The following DYNC1I1 variants were observed in gnomAD, a reference collection of about 807,000 sequenced individuals.
The protein encoded by DYNC1I1 is dynein cytoplasmic 1 intermediate chain 1, also known as cytoplasmic dynein 1 intermediate chain 1.
In DYNC1I1, 43 loss-of-function variants were observed where a neutral mutation model predicts 86.6. The ratio of observed to expected loss-of-function variants is 0.50; its 90% CI spans 0.39 to 0.64. DYNC1I1 has a LOEUF of 0.64. Ranked by LOEUF, DYNC1I1 falls within the 30% of genes least tolerant of loss-of-function variation. DYNC1I1 has a pLI of 0.00. For synonymous variants in DYNC1I1, 262 were observed against 283.7 expected (o/e 0.92, Z 0.77); for missense variants, 604 against 788.8 (o/e 0.77, Z 2.81).
intron 10 of DYNC1I1, among the ~76,000 whole-genome samples, chr7:96,024,134 A>T (rs1302846763): frequency 6.6e-6 from 1 of 152,224 alleles, no homozygotes; most frequent in Non-Finnish European, 1.5e-5. Context: ...AATGAAATCA[A>T]TAGCCTTGTG....
intron 16 of DYNC1I1, among the ~76,000 whole-genome samples, chr7:96,093,336 C>T (rs936810066): frequency 7.9e-5 from 12 of 152,166 alleles, no homozygotes; most frequent in Admixed American, 5.9e-4. Flanking sequence ...AGTGCCTGAC[C>T]GTTGCCAGCA....
At chr7:95,917,180 C>A (rs895643122) in intron 6 of DYNC1I1, among the ~76,000 whole-genome samples, 3 of 152,076 alleles carry the variant, frequency 2.0e-5, no homozygotes, top group African/African-American at 7.2e-5. Flanking sequence ...GGTGCAATGA[C>A]GAGAAAATAT....
At chr7:96,039,199 T>A (rs1351123343) in intron 13 of DYNC1I1, 78 bp from the exon 14 acceptor site, 1 of 1,495,464 alleles carries the variant, frequency 6.7e-7, no homozygotes, top group African/African-American at 1.4e-5. Flanking sequence ...TTGAGGGTTT[T>A]TTGTTTTGTT....
At chr7:96,010,019 T>C (rs1046911187) in intron 10 of DYNC1I1, among the ~76,000 whole-genome samples, 5 of 152,114 alleles carry the variant, frequency 3.3e-5, no homozygotes, top group Non-Finnish European at 7.4e-5. Context: ...CCTCAGGTGA[T>C]CCACCCGTCT....
intron 16 of DYNC1I1, among the ~76,000 whole-genome samples, chr7:96,103,642 T>C (rs1257016641): frequency 6.6e-6 from 1 of 151,404 alleles, no homozygotes; most frequent in African/African-American, 2.4e-5. Flanking sequence ...AGACGGAGTC[T>C]CGCTCTGTCG....
intron 1 of DYNC1I1, among the ~76,000 whole-genome samples, chr7:95,803,296 G>A (rs7806612): frequency 6.6e-6 from 1 of 152,166 alleles, no homozygotes; most frequent in African/African-American, 2.4e-5. Flanking sequence ...ACAAATTTGA[G>A]CTATACGCTC....
chr7:96,064,706 C>A (rs1229795464), intron 14 of DYNC1I1, among the ~76,000 whole-genome samples: 1 of 152,092 alleles, frequency 6.6e-6, no homozygotes, highest in Admixed American at 6.5e-5. Context: ...TCTAGGAAAG[C>A]CCAAGCCCAG....
At chr7:95,847,358 T>C (rs887049333) in intron 5 of DYNC1I1, among the ~76,000 whole-genome samples, 1 of 152,174 alleles carries the variant, frequency 6.6e-6, no homozygotes, top group Non-Finnish European at 1.5e-5. Context: ...TTATCCTAGA[T>C]TCGGTTTTGT....
At chr7:95,858,605 CAT>C (rs145127573) in intron 5 of DYNC1I1, among the ~76,000 whole-genome samples, 16,919 of 151,946 alleles carry the variant, frequency 0.11, 1,076 homozygotes, top group African/African-American at 0.17. Flanking sequence ...GCACCACAAA[CAT>C]GTGTAATGTA....
intron 14 of DYNC1I1, among the ~76,000 whole-genome samples, chr7:96,054,905 T>A (rs1423482954): frequency 2.0e-5 from 3 of 152,070 alleles, no homozygotes; most frequent in African/African-American, 7.2e-5. Context: ...TTTTCTCCCA[T>A]TCTGTAGGCT....
chr7:96,104,849 A>G (rs1791191433), intron 16 of DYNC1I1, among the ~76,000 whole-genome samples: 2 of 152,078 alleles, frequency 1.3e-5, no homozygotes, highest in Admixed American at 1.3e-4. Flanking sequence ...TATTTTAACT[A>G]TTCTAGGTCT....
intron 6 of DYNC1I1, among the ~76,000 whole-genome samples, chr7:95,976,186 T>C (rs1468523174): frequency 2.6e-5 from 4 of 152,242 alleles, no homozygotes. Context: ...TCCTTTCTTA[T>C]ATATGTATAA....
intron 6 of DYNC1I1, among the ~76,000 whole-genome samples, chr7:95,908,841 A>G (rs1791245179): frequency 6.6e-6 from 1 of 152,208 alleles, no homozygotes; most frequent in South Asian, 2.1e-4. Flanking sequence ...ATCCAGAGTC[A>G]TAGTAAAATG....
chr7:95,902,266 A>G (rs1402450455), intron 6 of DYNC1I1, among the ~76,000 whole-genome samples: 1 of 152,212 alleles, frequency 6.6e-6, no homozygotes, highest in Non-Finnish European at 1.5e-5. Context: ...TGAAATAGTT[A>G]GCATGTAGAA....
intron 5 of DYNC1I1, among the ~76,000 whole-genome samples, chr7:95,864,089 C>G (rs780173096): frequency 6.6e-6 from 1 of 152,188 alleles, no homozygotes; most frequent in South Asian, 2.1e-4. Flanking sequence ...GCTTTAGTAG[C>G]TATCGTAGAT....
Position 95,880,642 on chromosome 7 carries a change from T to C in DYNC1I1, c.490+10644T>C, listed in dbSNP as rs1171442146. 7.4e-3 allele frequency among the ~76,000 whole-genome samples: 16 copies of C among 2,174 alleles called. 1 individual carries two copies. Among genetic ancestry groups the C allele is most frequent in the Non-Finnish European group, 0.032 (4 of 124 alleles). 1.4% of individuals were successfully genotyped at this position (2,174 alleles called of 152,430 possible). A position where few individuals can be genotyped will look rare whatever the true frequency, so the allele number is the denominator to read the frequency against. On this transcript the variant is annotated intron_variant, in intron 6 of 16. Transcript: ENST00000447467. ...TCTTCATAACCTACATCTTCTTACT[T>C]TTTTTTTTTTTTTTTTTTTTTGAGA...
intron 10 of DYNC1I1, among the ~76,000 whole-genome samples, chr7:96,002,648 T>C (rs1453730442): frequency 1.3e-5 from 2 of 152,182 alleles, no homozygotes; most frequent in African/African-American, 4.8e-5. Flanking sequence ...ATTGTCCAAA[T>C]AGCATGGATG....
intron 6 of DYNC1I1, among the ~76,000 whole-genome samples, chr7:95,974,563 A>G (rs868158055): frequency 6.6e-6 from 1 of 152,082 alleles, no homozygotes; most frequent in African/African-American, 2.4e-5. Context: ...CAAGTGGTGG[A>G]CTCCAGCCTG....
At chr7:95,868,194 C>T (rs866426745) in intron 5 of DYNC1I1, among the ~76,000 whole-genome samples, 12 of 152,236 alleles carry the variant, frequency 7.9e-5, no homozygotes, top group South Asian at 4.1e-4. Flanking sequence ...GGAGCCTGGG[C>T]TCCAGTCACG....
Sources: gnomAD v4.1 joint callset for allele counts (sites outside exome capture counted in the v4.1 genomes callset) on GRCh38, gnomAD v4.1.1 for gene constraint, MANE v1.5 for transcripts, NCBI Gene and HGNC (gene_info 2026-07-23, HGNC 2026-07-21) for gene names.